CDT1: variants seen among roughly 807,000 people sequenced by gnomAD.
The protein encoded by CDT1 is chromatin licensing and DNA replication factor 1.
A neutral mutation model predicts 49.3 loss-of-function variants in CDT1; 66 were observed. The observed-to-expected ratio is 1.34, with a 90% confidence interval of 1.10 to 1.64. The LOEUF (loss-of-function observed/expected upper bound fraction) is 1.64, where lower values mean the gene tolerates loss of function less well. CDT1 is among the 40% of genes most tolerant of loss of function. CDT1 has a pLI of 0.00. For synonymous variants in CDT1, 424 were observed against 347.4 expected (o/e 1.22, Z -2.45); for missense variants, 958 against 807.7 (o/e 1.19, Z -2.26).
intron 6 of CDT1, 156 bp from the exon 7 acceptor site, chr16:88,806,330 G>A (rs1908854791): frequency 1.9e-6 from 2 of 1,055,274 alleles, no homozygotes; most frequent in Non-Finnish European, 2.8e-6. Context: ...CGGACCATGG[G>A]AGGCCTTGTG....
chr16:88,804,771 T>C lies in CDT1; in HGVS notation c.361T>C (p.Ser121Pro). 1.9e-6 allele frequency: 3 copies of C among 1,612,846 alleles called. No homozygotes were observed. Among genetic ancestry groups the C allele is most frequent in the Middle Eastern group, 1.6e-4 (1 of 6,062 alleles). Reference sequence around the variant, plus strand: ...CCTGATCCCCCTGAAGGACACCATCTCTGAGCTTGCGTCATGCCTGCAACG... The same window carrying C: ...CCTGATCCCCCTGAAGGACACCATCCCTGAGCTTGCGTCATGCCTGCAACG... ...LTSAQDQDTI[S>P]ELASCLQRAR... The change falls in exon 3 of 10, where the codon TCT (serine) becomes CCT (proline). Residue 121 changes from serine (S) to proline (P), a missense_variant. Transcript: ENST00000301019.
chr16:88,806,003 C>A lies in CDT1; in HGVS notation c.833-18C>A. On this transcript the variant is annotated intron_variant, in intron 5 of 9. Transcript: ENST00000301019. ...CTGGGTGGCCTGGTGGGGACTTAGG[C>A]CTGGACTCGTCCCACAGAGGCTGAC... The A allele has an allele frequency of 6.3e-7, 1 of 1,582,780 alleles. No individual in the cohort carries two copies. The highest frequency in any genetic ancestry group is 2.3e-5 in the East Asian group (1 of 43,538).
chr16:88,806,994 C>T (rs1370932527), intron 7 of CDT1, 57 bp from the exon 8 acceptor site: 3 of 1,608,472 alleles, frequency 1.9e-6, no homozygotes, highest in African/African-American at 1.3e-5. Context: ...CCTGGGCAGA[C>T]AGCCAGGGGC....
In CDT1 at chr16:88,804,772, CTG is replaced by C. The variant is rs768610440; in HGVS notation, c.363_364del (p.Glu122AlafsTer38). The stretch of plus-strand genomic sequence containing the variant: ...CTGATCCCCCTGAAGGACACCATCT[CTG>C]AGCTTGCGTCATGCCTGCAACGGGC... On this transcript the variant is annotated frameshift_variant, in exon 3 of 10. Coordinates refer to ENST00000301019, the MANE Select transcript of CDT1 (RefSeq NM_030928.4). LOFTEE classifies it high-confidence loss of function. 4 of 1,612,878 alleles carry C rather than the reference CTG, an allele frequency of 2.5e-6. No individual in the cohort carries two copies. The highest frequency in any genetic ancestry group is 3.3e-4 in the Middle Eastern group (2 of 6,062).
At chr16:88,804,131 G>C in intron 1 of CDT1, 72 bp downstream of exon 1, 1 of 1,026,344 alleles carries the variant, frequency 9.7e-7, no homozygotes, top group Non-Finnish European at 1.3e-6. Flanking sequence ...GCAGGGCTCG[G>C]GGAAACTGAG....
At chr16:88,804,714 G>T (rs3212324) in intron 2 of CDT1, 47 bp downstream of exon 2, 1 of 1,612,180 alleles carries the variant, frequency 6.2e-7, no homozygotes, top group Non-Finnish European at 8.5e-7. Context: ...GAGTGGTGCC[G>T]GCCTGCCTGC....
At position 88,808,648 on chromosome 16, in the gene CDT1, A is replaced by C. The variant is rs541874140; in HGVS notation, c.*370A>C. The C allele has an allele frequency of 7.0e-6, 2 of 287,280 alleles. No individual in the cohort carries two copies. Among genetic ancestry groups the C allele is most frequent in the East Asian group, 8.1e-5 (1 of 12,326 alleles). The allele number at this position is 287,280 out of a possible 1,614,324, so 17.8% of individuals were successfully genotyped here. On this transcript the variant is annotated 3_prime_UTR_variant, in exon 10 of 10. Transcript: ENST00000301019. ...GTGTGGGTGGCAGGCCATCCCCTCT[A>C]ATCTTGGAACCTCTGAATATGGGAC...
intron 9 of CDT1, 21 bp from the exon 10 acceptor site, chr16:88,808,094 T>G: frequency 6.2e-7 from 1 of 1,609,640 alleles, no homozygotes; most frequent in Non-Finnish European, 8.5e-7. Flanking sequence ...CCAGCCTCAG[T>G]GTCCTCCTCT....
At position 88,807,036 on chromosome 16, in the gene CDT1, C is replaced by T. The variant is rs767932361; in HGVS notation, c.1123-15C>T. ...CATCTTGTGACCTCTCCAGTCCAAC[C>T]TGTCCCTCCCGCAGATGGAGAAGGC... On this transcript the variant is annotated splice_polypyrimidine_tract_variant and intron_variant, in intron 7 of 9. Coordinates refer to ENST00000301019, the MANE Select transcript of CDT1 (RefSeq NM_030928.4). 2 of 1,612,688 alleles carry T rather than the reference C, an allele frequency of 1.2e-6. No homozygotes were observed.
In CDT1 at chr16:88,806,065, C is replaced by A. The variant is rs767477776; in HGVS notation, c.877C>A (p.Gln293Lys). ...APQLTASRLL[Q>K]RRQIFSQKLV... ...CCAGCTCACGGCCTCGCGCCTCCTG[C>A]AGCGACGGCAGATCTTCAGCCAGAA... The change falls in exon 6 of 10, where the codon CAG becomes AAG. Residue 293 changes from glutamine (Q) to lysine (K), a missense_variant. By Grantham distance (53) the Gln-to-Lys change is moderately conservative. Transcript: ENST00000301019. 3.7e-6 allele frequency: 6 copies of A among 1,600,802 alleles called. No individual in the cohort carries two copies. The highest frequency in any genetic ancestry group is 5.1e-6 in the Non-Finnish European group (6 of 1,177,364).
At chr16:88,805,114 G>A (rs1308386594) in intron 3 of CDT1, among the ~76,000 whole-genome samples, 1 of 152,254 alleles carries the variant, frequency 6.6e-6, no homozygotes, top group East Asian at 1.9e-4. Context: ...CTGCCTCGGG[G>A]ACTCTGGCAG....
Position 88,806,096 on chromosome 16 carries a change from TG to T in CDT1, c.910del (p.Glu304SerfsTer14). On this transcript the variant is annotated frameshift_variant, in exon 6 of 10. Coordinates refer to ENST00000301019, the MANE Select transcript of CDT1 (RefSeq NM_030928.4). LOFTEE classifies it high-confidence loss of function. ...QRRQIFSQKL[V>X]EHVKEHHKAF... ...CGGCAGATCTTCAGCCAGAAGCTGG[TG>T]GAGCATGTCAAGGAGCACCACAAGG... The T allele has an allele frequency of 6.2e-7, 1 of 1,601,712 alleles. No individual in the cohort carries two copies. Among genetic ancestry groups the T allele is most frequent in the African/African-American group, 1.3e-5 (1 of 74,970 alleles).
At chr16:88,804,965 G>A (rs2142942492) in intron 3 of CDT1, 67 bp downstream of exon 3, 1 of 1,518,408 alleles carries the variant, frequency 6.6e-7, no homozygotes, top group Non-Finnish European at 8.8e-7. Context: ...GTGGCCCAGC[G>A]AGCCTGTCAG....
chr16:88,806,258 G>A, intron 6 of CDT1, 137 bp downstream of exon 6: 1 of 1,029,098 alleles, frequency 9.7e-7, no homozygotes, highest in East Asian at 2.6e-5. Flanking sequence ...CTGAGCTGAG[G>A]GCTGGTGTGC....
At position 88,805,780 on chromosome 16, in the gene CDT1, G is replaced by A. The variant is rs780256305; in HGVS notation, c.743G>A (p.Arg248His). The change falls in exon 5 of 10, where the codon CGC becomes CAC. Residue 248 changes from arginine to histidine, a missense_variant. Physicochemically the swap from Arg to His is conservative, Grantham distance 29 (BLOSUM62 0). Transcript: ENST00000301019. ...AAAACCGTGTACCCGGCCTCCTACC[G>A]CTTCCGCCAGGAGCGCAGTGTCCCC... Reference protein sequence around the residue: ...QIKTVYPASYRFRQERSVPTF... With the variant: ...QIKTVYPASYHFRQERSVPTF... 1.2e-5 allele frequency: 19 copies of A among 1,613,106 alleles called. No homozygotes were observed. Among genetic ancestry groups the A allele is most frequent in the African/African-American group, 1.1e-4 (8 of 75,048 alleles).
rs776755254 is a variant in CDT1, at chr16:88,806,130, C to T, written c.933+9C>T. The stretch of plus-strand genomic sequence containing the variant: ...TCAAGGAGCACCACAAGGTGAGCGG[C>T]CCCCGGCCCCGCTGTGTGAAGATGG... On this transcript the variant is annotated intron_variant, in intron 6 of 9. Transcript: ENST00000301019. The T allele has an allele frequency of 6.3e-6, 10 of 1,576,460 alleles. No homozygotes were observed. The highest frequency in any genetic ancestry group is 1.7e-4 in the Middle Eastern group (1 of 6,044).
chr16:88,808,321 C>G lies in CDT1; in HGVS notation c.*43C>G, dbSNP rs3743548. The G allele has an allele frequency of 0.057, 87,469 of 1,539,658 alleles. 2,893 individuals are homozygous for G. Among genetic ancestry groups the G allele is most frequent in the Middle Eastern group, 0.1 (613 of 5,938 alleles). Reference sequence around the variant, plus strand: ...GACAGACGTGGGCTTCAGAAGCTCGCTGGCCTGGGCCCACCAGCATTTTCT... The same window carrying G: ...GACAGACGTGGGCTTCAGAAGCTCGGTGGCCTGGGCCCACCAGCATTTTCT... On this transcript the variant is annotated 3_prime_UTR_variant, in exon 10 of 10. Transcript: ENST00000301019.
rs2142943803 is a variant in CDT1, at chr16:88,805,828, G to C, written c.791G>C (p.Arg264Thr). ...CCCACCTTCAAGGATGGCACCAGGAGGTCAGATTACCAGCTCACCATCGAG... is the reference window on the plus strand; with the variant it reads ...CCCACCTTCAAGGATGGCACCAGGACGTCAGATTACCAGCTCACCATCGAG... ...SVPTFKDGTR[R>T]SDYQLTIEPL... Residue 264 changes from arginine to threonine, a missense_variant, in exon 5 of 10, where the codon AGG becomes ACG. Coordinates refer to ENST00000301019, the MANE Select transcript of CDT1 (RefSeq NM_030928.4). 6.2e-7 allele frequency: 1 copy of C among 1,613,116 alleles called. No individual in the cohort carries two copies. The highest frequency in any genetic ancestry group is 8.5e-7 in the Non-Finnish European group (1 of 1,179,990).
Position 88,804,894 on chromosome 16 carries a change from C to G in CDT1, c.484C>G (p.Pro162Ala), listed in dbSNP as rs777756707. The G allele has an allele frequency of 3.8e-6, 6 of 1,570,976 alleles. No individual in the cohort carries two copies. In the African/African-American group the frequency reaches 8.1e-5, roughly 21 times the overall value. The part of the protein sequence containing the change: ...TPEAEGRPEE[P>A]CGEKAPAYQR... Reference sequence around the variant, plus strand: ...AGAGGCCGAGGGCCGCCCTGAGGAGCCATGGTGAGTGCTGGGTGGGCGGCC... The same window carrying G: ...AGAGGCCGAGGGCCGCCCTGAGGAGGCATGGTGAGTGCTGGGTGGGCGGCC... Residue 162 changes from proline to alanine, a missense_variant, in exon 3 of 10, where the codon CCA (proline) becomes GCA (alanine). Coordinates refer to ENST00000301019, the MANE Select transcript of CDT1 (RefSeq NM_030928.4).
Sources: gnomAD v4.1 joint callset for allele counts (sites outside exome capture counted in the v4.1 genomes callset) on GRCh38, gnomAD v4.1.1 for gene constraint, MANE v1.5 for transcripts, NCBI Gene and HGNC (gene_info 2026-07-23, HGNC 2026-07-21) for gene names.